TMC1: variants seen among roughly 807,000 people sequenced by gnomAD.
The protein encoded by TMC1 is transmembrane channel-like protein 1.
A neutral mutation model predicts 105.8 loss-of-function variants in TMC1; 84 were observed. The observed-to-expected ratio is 0.79, with a 90% confidence interval of 0.67 to 0.95. The LOEUF (loss-of-function observed/expected upper bound fraction) is 0.95, where lower values mean the gene tolerates loss of function less well. Among genes scored for constraint, TMC1 ranks in the 40% least tolerant of loss-of-function variants. The pLI, the probability that TMC1 is intolerant of heterozygous loss-of-function variation, is 0.00. For missense variants in TMC1, 817 were observed against 914.1 expected (o/e 0.89, Z 1.37); for synonymous variants, 315 against 311.5 (o/e 1.01, Z -0.12).
At chr9:72,561,891 C>T (rs186456630) in intron 1 of TMC1, among the ~76,000 whole-genome samples, 5 of 152,120 alleles carry the variant, frequency 3.3e-5, no homozygotes, top group South Asian at 2.1e-4. Context: ...GCCTGTAATC[C>T]GCACTACTTG....
intron 2 of TMC1, among the ~76,000 whole-genome samples, chr9:72,601,668 C>T (rs957263547): frequency 1.3e-5 from 2 of 151,842 alleles, no homozygotes; most frequent in Non-Finnish European, 2.9e-5. Context: ...CAAAACAAAA[C>T]CAAAAAAACC....
At chr9:72,645,974 T>C (rs1488351826) in intron 4 of TMC1, among the ~76,000 whole-genome samples, 1 of 152,230 alleles carries the variant, frequency 6.6e-6, no homozygotes, top group African/African-American at 2.4e-5. Context: ...ATAAAGTTTA[T>C]ATTTTTCATT....
intron 2 of TMC1, among the ~76,000 whole-genome samples, chr9:72,582,625 A>G (rs1824493627): frequency 1.3e-5 from 2 of 152,222 alleles, no homozygotes; most frequent in Non-Finnish European, 2.9e-5. Context: ...CTTGCTGCAT[A>G]GAATCCTGAA....
intron 17 of TMC1, among the ~76,000 whole-genome samples, chr9:72,799,588 T>TC (rs1200452568): frequency 8.5e-5 from 13 of 152,068 alleles, no homozygotes; most frequent in African/African-American, 3.1e-4. Context: ...ACCAGATAAA[T>TC]CCCCCCTTTG....
chr9:72,535,247 T>C (rs1234846481), intron 1 of TMC1, among the ~76,000 whole-genome samples: 1 of 152,248 alleles, frequency 6.6e-6, no homozygotes, highest in African/African-American at 2.4e-5. Flanking sequence ...AGTACCCCGA[T>C]GTCTTCTAAA....
rs143696794 is a variant in TMC1, at chr9:72,690,631, C to T, written c.64+1875C>T. On this transcript the variant is annotated intron_variant, in intron 6 of 23. Transcript: ENST00000297784. Reference sequence around the variant, plus strand: ...TGGTTGGCAGGTTTCTTCTTTCCAACACTTTTAAAATATCATCCTACTTTC... The same window carrying T: ...TGGTTGGCAGGTTTCTTCTTTCCAATACTTTTAAAATATCATCCTACTTTC... Among the ~76,000 whole-genome samples, 138 of 152,242 alleles carry T rather than the reference C, an allele frequency of 9.1e-4. No homozygotes were observed. In the East Asian group the frequency reaches 0.017, roughly 18 times the overall value.
intron 2 of TMC1, among the ~76,000 whole-genome samples, chr9:72,606,508 T>C (rs748159202): frequency 6.6e-6 from 1 of 152,152 alleles, no homozygotes. Flanking sequence ...CTATGGTAAT[T>C]AGGTAAAAAT....
chr9:72,817,741 A>G (rs528106638), intron 19 of TMC1, among the ~76,000 whole-genome samples: 1 of 152,160 alleles, frequency 6.6e-6, no homozygotes, highest in African/African-American at 2.4e-5. Flanking sequence ...TGATTTTGCA[A>G]CTATGTTAGT....
At chr9:72,617,674 A>G (rs1825157914) in intron 3 of TMC1, among the ~76,000 whole-genome samples, 1 of 152,130 alleles carries the variant, frequency 6.6e-6, no homozygotes, top group African/African-American at 2.4e-5. Flanking sequence ...ATTGTATTCA[A>G]GGTTATTTAC....
intron 17 of TMC1, 105 bp from the exon 18 acceptor site, chr9:72,805,277 A>C: frequency 8.5e-7 from 1 of 1,174,514 alleles, no homozygotes; most frequent in Admixed American, 1.8e-5. Context: ...CATTAATTGC[A>C]GTCTTCAAGC....
chr9:72,693,016 A>C (rs1405210480), intron 6 of TMC1, among the ~76,000 whole-genome samples: 1 of 151,914 alleles, frequency 6.6e-6, no homozygotes, highest in Non-Finnish European at 1.5e-5. Flanking sequence ...ACTACTCAGG[A>C]GGCTGAGACA....
chr9:72,822,512 C>A (rs1215511800), intron 20 of TMC1, among the ~76,000 whole-genome samples: 1 of 120,720 alleles, frequency 8.3e-6, no homozygotes, highest in African/African-American at 3.1e-5. Flanking sequence ...CTGTTAATTC[C>A]GTTGTGTGTG....
intron 5 of TMC1, among the ~76,000 whole-genome samples, chr9:72,668,361 T>C (rs576868545): frequency 6.6e-6 from 1 of 152,246 alleles, no homozygotes; most frequent in Non-Finnish European, 1.5e-5. Flanking sequence ...AGAATAATCC[T>C]GTGCTCCTTC....
chr9:72,562,679 C>CA (rs1824078322), intron 1 of TMC1, among the ~76,000 whole-genome samples: 1 of 150,970 alleles, frequency 6.6e-6, no homozygotes, highest in Non-Finnish European at 1.5e-5. Context: ...TATTATTTGT[C>CA]AATTAAATTT....
intron 8 of TMC1, among the ~76,000 whole-genome samples, chr9:72,725,325 G>GTATGTATATATATATA (rs1554723230): frequency 1.3e-5 from 1 of 77,682 alleles, no homozygotes; most frequent in Non-Finnish European, 2.8e-5. Context: ...ATGTGTGTAT[G>GTATGTATATATATATA]TATATATATA....
rs13286809 is a variant in TMC1 at position 72,830,578 on chromosome 9, C to T, written c.2208+49C>T. 0.047 allele frequency: 74,248 copies of T among 1,595,934 alleles called. 2,790 individuals carry two copies. Among genetic ancestry groups the T allele is most frequent in the African/African-American group, 0.19 (14,004 of 74,446 alleles). ...AAATATTATCTTTATTAATGTCAAG[C>T]AGTAGAAAACACTGAGAAATCTACT... On this transcript the variant is annotated intron_variant, in intron 22 of 23. Transcript: ENST00000297784.
intron 9 of TMC1, among the ~76,000 whole-genome samples, chr9:72,740,508 T>C (rs60182262): frequency 4.9e-4 from 75 of 152,328 alleles, no homozygotes; most frequent in African/African-American, 1.6e-3. Context: ...TTTCATTCTC[T>C]GGAAGTGAAG....
intron 1 of TMC1, among the ~76,000 whole-genome samples, chr9:72,560,096 C>T (rs1824019302): frequency 6.6e-6 from 1 of 152,190 alleles, no homozygotes; most frequent in South Asian, 2.1e-4. Context: ...CATATCACCC[C>T]TATGTTTGCT....
At chr9:72,740,472 A>G (rs1265961805) in intron 9 of TMC1, among the ~76,000 whole-genome samples, 1 of 152,188 alleles carries the variant, frequency 6.6e-6, no homozygotes, top group Non-Finnish European at 1.5e-5. Context: ...GCACTTCCAA[A>G]TATAAAAGAT....
Sources: allele counts gnomAD v4.1 joint callset (sites outside exome capture counted in the v4.1 genomes callset), GRCh38; gene constraint gnomAD v4.1.1; transcripts MANE v1.5; gene names NCBI Gene and HGNC (gene_info 2026-07-23, HGNC 2026-07-21).